The following HIBADH variants were observed in gnomAD, a reference collection of about 807,000 sequenced individuals.
HIBADH encodes the protein 3-hydroxyisobutyrate dehydrogenase.
In HIBADH, 25 loss-of-function variants were observed where a neutral mutation model predicts 36.1. The observed-to-expected ratio is 0.69, with a 90% CI of 0.50 to 0.97. HIBADH has a LOEUF of 0.97. Ranked by LOEUF, HIBADH falls within the 50% of genes least tolerant of loss-of-function variation. HIBADH has a pLI of 0.00. For synonymous variants in HIBADH, 160 were observed against 149.5 expected, an observed-to-expected ratio of 1.07 and a Z score of -0.51; for missense variants, 421 against 418.0, an observed-to-expected ratio of 1.01 and a Z score of -0.06.
intron 1 of HIBADH, 86 bp downstream of exon 1, chr7:27,662,611 TC>T (rs1251083309): frequency 3.5e-6 from 3 of 845,164 alleles, no homozygotes; most frequent in African/African-American, 1.8e-5. Context: ...CCGCAGGGCC[TC>T]CCGAGAAAAG....
intron 4 of HIBADH, among the ~76,000 whole-genome samples, chr7:27,545,702 T>C (rs1784227702): frequency 6.6e-6 from 1 of 152,164 alleles, no homozygotes; most frequent in Non-Finnish European, 1.5e-5. Flanking sequence ...AAATACTTAT[T>C]TTACATATAT....
chr7:27,558,905 T>C (rs2128186502), intron 4 of HIBADH, among the ~76,000 whole-genome samples: 1 of 152,306 alleles, frequency 6.6e-6, no homozygotes, highest in Non-Finnish European at 1.5e-5. Context: ...TTTGAAATGG[T>C]AGCTGTATTA....
intron 4 of HIBADH, among the ~76,000 whole-genome samples, chr7:27,563,574 A>T (rs901534678): frequency 2.0e-5 from 3 of 152,232 alleles, no homozygotes; most frequent in African/African-American, 7.2e-5. Flanking sequence ...GTTGTATTTT[A>T]AAAGTTGCTG....
intron 4 of HIBADH, among the ~76,000 whole-genome samples, chr7:27,616,312 G>C (rs1785426407): frequency 6.6e-6 from 1 of 152,110 alleles, no homozygotes; most frequent in Admixed American, 6.5e-5. Context: ...CTTCCCATGA[G>C]GCCTCTCCTC....
intron 4 of HIBADH, among the ~76,000 whole-genome samples, chr7:27,570,359 C>T (rs1459866996): frequency 6.6e-6 from 1 of 151,892 alleles, no homozygotes; most frequent in East Asian, 1.9e-4. Context: ...TATTGTTCTA[C>T]TGTTTTCTGG....
rs1249177786 is a variant in HIBADH at position 27,632,449 on chromosome 7, T to A, written c.253-4A>T. On this transcript the variant is annotated splice_region_variant and splice_polypyrimidine_tract_variant and intron_variant, in intron 2 of 7. Transcript: ENST00000265395. ...CATCTGCTGGGGAAGATACTACCTTTAAAAAAAATTGCAAAGGCACATTAT... is the reference window on the plus strand; with the variant it reads ...CATCTGCTGGGGAAGATACTACCTTAAAAAAAAATTGCAAAGGCACATTAT... 1.8e-5 allele frequency: 28 copies of A among 1,594,394 alleles called. No individual in the cohort carries two copies. The highest frequency in any genetic ancestry group is 2.4e-5 in the Non-Finnish European group (28 of 1,163,228).
In HIBADH at chr7:27,632,346, C is replaced by G. The variant is rs1785761880; in HGVS notation, c.352G>C (p.Gly118Arg). Residue 118 changes from glycine to arginine, a missense_variant, in exon 3 of 8, where the codon GGG (glycine) becomes CGG (arginine). Gly to Arg is a moderately radical substitution (Grantham distance 125, BLOSUM62 -2). Transcript: ENST00000265395. Reference sequence around the variant, plus strand: ...GTGAGAAATACATACTTTAGAATCCCATTTGCTCCGGAATAAGCTTCTATT... The same window carrying G: ...GTGAGAAATACATACTTTAGAATCCGATTTGCTCCGGAATAAGCTTCTATT... ...NAIEAYSGAN[G>R]ILKKVKKGSL... 1 of 1,598,852 alleles carries G rather than the reference C, an allele frequency of 6.3e-7. No individual in the cohort carries two copies. Among genetic ancestry groups the G allele is most frequent in the African/African-American group, 1.3e-5 (1 of 74,714 alleles).
intron 1 of HIBADH, among the ~76,000 whole-genome samples, chr7:27,650,397 C>T (rs1786162305): frequency 6.6e-6 from 1 of 151,646 alleles, no homozygotes; most frequent in South Asian, 2.1e-4. Flanking sequence ...GCAAGTGTAA[C>T]AGTATCAGGA....
intron 4 of HIBADH, among the ~76,000 whole-genome samples, chr7:27,589,472 A>G (rs1335527553): frequency 2.0e-5 from 3 of 152,216 alleles, no homozygotes; most frequent in African/African-American, 7.2e-5. Context: ...AATTAACACT[A>G]TTCAGTACAT....
In HIBADH at chr7:27,531,187, C is replaced by T; in HGVS notation, c.852+5G>A. On this transcript the variant is annotated splice_donor_5th_base_variant and intron_variant, in intron 7 of 7. Transcript: ENST00000265395. ...TTCTCTCTTGGGTGTCTACATTTAC[C>T]ATACCTTAGCCATGAGTGTTGTTCC... 1 of 1,610,386 alleles carries T rather than the reference C, an allele frequency of 6.2e-7. No homozygotes were observed. The highest frequency in any genetic ancestry group is 1.1e-5 in the South Asian group (1 of 90,370).
chr7:27,570,829 T>C (rs1784617525), intron 4 of HIBADH, among the ~76,000 whole-genome samples: 2 of 152,148 alleles, frequency 1.3e-5, no homozygotes, highest in South Asian at 4.1e-4. Context: ...TTTACTATCA[T>C]GTATTTAGTA....
chr7:27,605,856 G>A (rs1785216256), intron 4 of HIBADH, among the ~76,000 whole-genome samples: 1 of 151,948 alleles, frequency 6.6e-6, no homozygotes, highest in Non-Finnish European at 1.5e-5. Flanking sequence ...TTTATCATTA[G>A]CAGGTTTGGA....
chr7:27,559,396 G>A (rs895647998), intron 4 of HIBADH, among the ~76,000 whole-genome samples: 1 of 151,998 alleles, frequency 6.6e-6, no homozygotes, highest in Non-Finnish European at 1.5e-5. Context: ...CCAAGGCAGG[G>A]GGATTGCTTG....
chr7:27,532,867 T>C (rs1215312443), intron 6 of HIBADH, among the ~76,000 whole-genome samples: 1 of 152,230 alleles, frequency 6.6e-6, no homozygotes, highest in Non-Finnish European at 1.5e-5. Context: ...AGTATGCTAC[T>C]GTAGTATATC....
intron 4 of HIBADH, among the ~76,000 whole-genome samples, chr7:27,588,950 C>G (rs542433921): frequency 6.6e-6 from 1 of 152,004 alleles, no homozygotes; most frequent in Non-Finnish European, 1.5e-5. Flanking sequence ...TTGAGAGACC[C>G]GACCACAGTT....
intron 4 of HIBADH, among the ~76,000 whole-genome samples, chr7:27,589,911 C>T (rs1259433488): frequency 6.6e-6 from 1 of 152,150 alleles, no homozygotes; most frequent in Non-Finnish European, 1.5e-5. Context: ...ACTGCCTCTT[C>T]TCAAAGTTCT....
intron 4 of HIBADH, among the ~76,000 whole-genome samples, chr7:27,580,966 C>T (rs939268976): frequency 4.6e-4 from 70 of 152,062 alleles, no homozygotes; most frequent in African/African-American, 1.6e-3. Flanking sequence ...AAGGGGTAGG[C>T]GATCATGTGG....
At chr7:27,547,773 G>C (rs1784255203) in intron 4 of HIBADH, among the ~76,000 whole-genome samples, 3 of 151,996 alleles carry the variant, frequency 2.0e-5, no homozygotes, top group Admixed American at 6.6e-5. Flanking sequence ...GGGTTTTCAA[G>C]TTCATAATCA....
At chr7:27,605,456 CT>C (rs751819411) in intron 4 of HIBADH, among the ~76,000 whole-genome samples, 47,853 of 89,812 alleles carry the variant, frequency 0.53, 13,137 homozygotes, top group East Asian at 0.86. Context: ...CCTGCTGACA[CT>C]TTTTTTTTTT....
Sources: gnomAD v4.1 joint callset for allele counts (sites outside exome capture counted in the v4.1 genomes callset) on GRCh38, gnomAD v4.1.1 for gene constraint, MANE v1.5 for transcripts, NCBI Gene and HGNC (gene_info 2026-07-23, HGNC 2026-07-21) for gene names.